C1QTNF3: variants seen among roughly 807,000 people sequenced by gnomAD.
C1QTNF3 encodes the protein C1q and TNF related 3.
A neutral mutation model predicts 32.6 loss-of-function variants in C1QTNF3; 26 were observed. The ratio of observed to expected loss-of-function variants is 0.80; its 90% CI spans 0.58 to 1.11. C1QTNF3 has a LOEUF of 1.11. Ranked by LOEUF, C1QTNF3 falls within the 50% of genes least tolerant of loss-of-function variation. C1QTNF3 has a pLI of 0.00. For missense variants in C1QTNF3, 362 were observed against 398.2 expected, an observed-to-expected ratio of 0.91 and a Z score of 0.77; for synonymous variants, 155 against 146.0, an observed-to-expected ratio of 1.06 and a Z score of -0.44.
the C1QTNF3 span, among the ~76,000 whole-genome samples, chr5:34,051,373 G>A: frequency 6.6e-6 from 1 of 152,068 alleles, no homozygotes; most frequent in African/African-American, 2.4e-5. Context: ...CTACATATCT[G>A]TCTTATTTTT....
chr5:34,239,780 T>TTATTA, the C1QTNF3 span, among the ~76,000 whole-genome samples: 1 of 151,918 alleles, frequency 6.6e-6, no homozygotes, highest in African/African-American at 2.4e-5. Context: ...ACTTGACCAT[T>TTATTA]TGGACCTAAT....
chr5:34,091,532 A>G, the C1QTNF3 span, among the ~76,000 whole-genome samples: 2 of 152,278 alleles, frequency 1.3e-5, no homozygotes, highest in Non-Finnish European at 2.9e-5. Flanking sequence ...TTTTTAATTA[A>G]ATAATGAATT....
chr5:34,128,407 G>C, the C1QTNF3 span, among the ~76,000 whole-genome samples: 1 of 152,214 alleles, frequency 6.6e-6, no homozygotes, highest in Non-Finnish European at 1.5e-5. Context: ...CTGCCTAGTG[G>C]AGCTGTGAGA....
chr5:34,207,888 C>T, the C1QTNF3 span, among the ~76,000 whole-genome samples: 2 of 151,868 alleles, frequency 1.3e-5, no homozygotes, highest in South Asian at 2.1e-4. Flanking sequence ...CCCGGGTTCA[C>T]GCCATTCTCC....
chr5:34,086,992 A>G, the C1QTNF3 span, among the ~76,000 whole-genome samples: 1 of 152,104 alleles, frequency 6.6e-6, no homozygotes, highest in East Asian at 1.9e-4. Context: ...ATTTTAATGC[A>G]ATAAAATATT....
At chr5:34,087,325 C>T in the C1QTNF3 span, among the ~76,000 whole-genome samples, 1 of 151,366 alleles carries the variant, frequency 6.6e-6, no homozygotes, top group African/African-American at 2.4e-5. Context: ...CATTTAGATA[C>T]AATAAATTCA....
At chr5:34,029,324 G>C (rs1274464868) in intron 3 of C1QTNF3, among the ~76,000 whole-genome samples, 1 of 148,374 alleles carries the variant, frequency 6.7e-6, no homozygotes, top group African/African-American at 2.5e-5. Context: ...TTTCTTTATA[G>C]AGACGAGGTC....
the C1QTNF3 span, among the ~76,000 whole-genome samples, chr5:34,059,881 T>C: frequency 6.6e-6 from 1 of 152,158 alleles, no homozygotes; most frequent in Admixed American, 6.5e-5. Flanking sequence ...TTAGCATCCC[T>C]GGCCCTACTA....
chr5:34,213,690 GTGTGTATATATATA>G, the C1QTNF3 span, among the ~76,000 whole-genome samples: 73 of 89,670 alleles, frequency 8.1e-4, 1 homozygote, highest in Middle Eastern at 6.7e-3. Context: ...TCTGTTGTGT[GTGTGTATATATATA>G]TGTGTATATA....
At position 34,037,243 on chromosome 5, in the gene C1QTNF3, T is replaced by C. The variant is rs61061353; in HGVS notation, c.304-1485A>G. ...AAATGTTCCTAGACATCAATTATAA[T>C]TCAACGGTCTTTTGAAAACAGCATG... On this transcript the variant is annotated intron_variant, in intron 1 of 5. Transcript: ENST00000382065. Among the ~76,000 whole-genome samples the C allele has an allele frequency of 8.4e-3, 1,276 of 152,280 alleles. 22 individuals are homozygous for C. The highest frequency in any genetic ancestry group is 0.029 in the African/African-American group (1,220 of 41,552).
chr5:34,070,525 G>A, the C1QTNF3 span, among the ~76,000 whole-genome samples: 10 of 152,060 alleles, frequency 6.6e-5, no homozygotes, highest in Non-Finnish European at 1.5e-4. Context: ...TACTTCATGG[G>A]TAGAGTTTAT....
At chr5:34,177,850 T>C in the C1QTNF3 span, among the ~76,000 whole-genome samples, 1 of 151,844 alleles carries the variant, frequency 6.6e-6, no homozygotes, top group Non-Finnish European at 1.5e-5. Flanking sequence ...CTCAAACTCC[T>C]GGGCTCAAGA....
intron 1 of C1QTNF3, among the ~76,000 whole-genome samples, chr5:34,039,574 G>A (rs1304032665): frequency 6.6e-6 from 1 of 152,086 alleles, no homozygotes; most frequent in East Asian, 1.9e-4. Context: ...GCTACCCTAC[G>A]TGGAAGGGTG....
intron 2 of C1QTNF3, among the ~76,000 whole-genome samples, chr5:34,033,831 T>G (rs910748785): frequency 9.2e-5 from 14 of 152,218 alleles, no homozygotes; most frequent in African/African-American, 3.4e-4. Context: ...GAAAAACATT[T>G]AATGATATAG....
At chr5:34,189,145 C>T in the C1QTNF3 span, among the ~76,000 whole-genome samples, 6 of 150,664 alleles carry the variant, frequency 4.0e-5, no homozygotes, top group South Asian at 2.1e-4. Flanking sequence ...TCTCGTGATC[C>T]GTCCACCCCG....
the C1QTNF3 span, among the ~76,000 whole-genome samples, chr5:34,058,438 C>A: frequency 6.6e-6 from 1 of 152,114 alleles, no homozygotes; most frequent in Non-Finnish European, 1.5e-5. Context: ...GTATTTCCGG[C>A]CAAAGTATTA....
chr5:34,220,219 AT>A, the C1QTNF3 span, among the ~76,000 whole-genome samples: 1 of 152,114 alleles, frequency 6.6e-6, no homozygotes, highest in Non-Finnish European at 1.5e-5. Context: ...TATACAATAA[AT>A]AATATAAATT....
intron 5 of C1QTNF3, among the ~76,000 whole-genome samples, chr5:34,023,144 C>T (rs1448498489): frequency 2.6e-5 from 4 of 152,122 alleles, no homozygotes; most frequent in East Asian, 1.9e-4. Context: ...CGTGAGCCAC[C>T]GCGCCTGGCT....
the C1QTNF3 span, among the ~76,000 whole-genome samples, chr5:34,224,913 G>T: frequency 6.6e-6 from 1 of 151,866 alleles, no homozygotes; most frequent in East Asian, 1.9e-4. Context: ...TCTGACAAAG[G>T]GCTAACATCC....
Sources: gnomAD v4.1 joint callset for allele counts (sites outside exome capture counted in the v4.1 genomes callset) on GRCh38, gnomAD v4.1.1 for gene constraint, MANE v1.5 for transcripts, NCBI Gene and HGNC (gene_info 2026-07-23, HGNC 2026-07-21) for gene names.